Variants in PAQR5 observed in about 807,000 individuals in gnomAD.
The protein encoded by PAQR5 is progestin and adipoQ receptor family member 5.
Under a neutral mutation model 34.5 loss-of-function variants are expected in PAQR5, and 20 were observed. That is an observed-to-expected ratio of 0.58 (90% CI 0.41 to 0.84). The LOEUF (loss-of-function observed/expected upper bound fraction) is 0.84. Among genes scored for constraint, PAQR5 ranks in the 40% least tolerant of loss-of-function variants. The probability of loss-of-function intolerance (pLI) is 0.00; values close to 1 mark genes in which losing one functional copy is unlikely to be tolerated. For synonymous variants in PAQR5, 131 were observed against 155.6 expected (o/e 0.84, Z 1.18); for missense variants, 378 against 412.7 (o/e 0.92, Z 0.73).
chr15:69,400,267 T>A, intron 8 of PAQR5, 152 bp downstream of exon 8: 2 of 788,414 alleles, frequency 2.5e-6, no homozygotes, highest in Non-Finnish European at 4.0e-6. Context: ...GAGGTCAGGA[T>A]GTCTGCAGCA....
At chr15:69,373,187 G>A (rs770432430) in intron 3 of PAQR5, among the ~76,000 whole-genome samples, 5 of 152,016 alleles carry the variant, frequency 3.3e-5, no homozygotes, top group Non-Finnish European at 7.4e-5. Flanking sequence ...ATACTGGGCC[G>A]ACCTCGGTAA....
At chr15:69,311,256 C>A (rs1322094580) in intron 1 of PAQR5, among the ~76,000 whole-genome samples, 1 of 151,428 alleles carries the variant, frequency 6.6e-6, no homozygotes. Context: ...GATGGCTACA[C>A]GTTGAAAGAG....
At chr15:69,390,972 C>G (rs1334212877) in intron 6 of PAQR5, among the ~76,000 whole-genome samples, 1 of 152,286 alleles carries the variant, frequency 6.6e-6, no homozygotes, top group Non-Finnish European at 1.5e-5. Context: ...CTCAGGAAAT[C>G]TCCCAAATGG....
intron 1 of PAQR5, among the ~76,000 whole-genome samples, chr15:69,306,719 A>G (rs2053726224): frequency 6.6e-6 from 1 of 152,062 alleles, no homozygotes; most frequent in African/African-American, 2.4e-5. Flanking sequence ...ACCATTTTTT[A>G]AGTCTGCAAC....
chr15:69,379,594 A>G, intron 3 of PAQR5: 1 of 985,232 alleles, frequency 1.0e-6, no homozygotes, highest in Non-Finnish European at 1.2e-6. Context: ...TTCTTAGGCA[A>G]GATTCATGCC....
At chr15:69,384,217 G>C (rs1053697102) in intron 4 of PAQR5, among the ~76,000 whole-genome samples, 1 of 144,094 alleles carries the variant, frequency 6.9e-6, no homozygotes, top group Admixed American at 6.9e-5. Flanking sequence ...GGGGCCCTCC[G>C]TGTTCATGGT....
chr15:69,317,085 C>T (rs2053969002), intron 1 of PAQR5, among the ~76,000 whole-genome samples: 1 of 152,228 alleles, frequency 6.6e-6, no homozygotes, highest in African/African-American at 2.4e-5. Context: ...CCCCAAAGTG[C>T]TGGGATTACA....
chr15:69,315,270 G>C (rs1214844624), intron 1 of PAQR5, among the ~76,000 whole-genome samples: 1 of 152,124 alleles, frequency 6.6e-6, no homozygotes, highest in Non-Finnish European at 1.5e-5. Context: ...CAGCATCAAT[G>C]GTTGCCAATT....
intron 1 of PAQR5, among the ~76,000 whole-genome samples, chr15:69,321,202 A>G (rs2054088451): frequency 6.6e-6 from 1 of 152,254 alleles, no homozygotes; most frequent in African/African-American, 2.4e-5. Flanking sequence ...TGCTTTGTCT[A>G]TAGGCATGCA....
intron 2 of PAQR5, among the ~76,000 whole-genome samples, chr15:69,348,673 T>C (rs2054834975): frequency 6.6e-6 from 1 of 152,044 alleles, no homozygotes; most frequent in Non-Finnish European, 1.5e-5. Flanking sequence ...AGTACTAGAC[T>C]CCAGAGATGG....
intron 5 of PAQR5, among the ~76,000 whole-genome samples, chr15:69,387,550 G>A (rs573965265): frequency 3.3e-5 from 5 of 152,342 alleles, no homozygotes; most frequent in Admixed American, 1.3e-4. Context: ...CCATTACCAC[G>A]ATGATCTTGT....
intron 3 of PAQR5, among the ~76,000 whole-genome samples, chr15:69,369,275 C>T (rs1297394417): frequency 6.6e-6 from 1 of 152,174 alleles, no homozygotes; most frequent in Non-Finnish European, 1.5e-5. Flanking sequence ...GTGGCTCACG[C>T]CTGTAATCCC....
At chr15:69,329,766 T>A (rs963243387) in intron 1 of PAQR5, among the ~76,000 whole-genome samples, 1 of 152,146 alleles carries the variant, frequency 6.6e-6, no homozygotes, top group East Asian at 1.9e-4. Context: ...AGTATAGGAA[T>A]GAACCACTGC....
At chr15:69,323,997 C>A (rs74559058) in intron 1 of PAQR5, among the ~76,000 whole-genome samples, 1 of 152,256 alleles carries the variant, frequency 6.6e-6, no homozygotes, top group South Asian at 2.1e-4. Context: ...AAGTTACCCA[C>A]CAGTTCTGTT....
rs1253498460 is a variant in PAQR5, at chr15:69,298,957, G to T, written c.-376G>T. 1 of 152,022 alleles carries T rather than the reference G, an allele frequency of 6.6e-6. No individual in the cohort carries two copies. Among genetic ancestry groups the T allele is most frequent in the Non-Finnish European group, 1.5e-5 (1 of 67,984 alleles). 9.4% of individuals were successfully genotyped at this position (152,022 alleles called of 1,614,324 possible). On this transcript the variant is annotated 5_prime_UTR_variant, in exon 1 of 9. Coordinates refer to ENST00000395407, the MANE Select transcript of PAQR5 (RefSeq NM_017705.4). ...GCAGGGCCAGGTGCAGGGCCCGCGA[G>T]TCCGGGGTCGCCGCAGCCCGGGAGG... is the stretch of plus-strand genomic sequence containing the variant.
chr15:69,331,074 TG>T (rs2054368464), intron 1 of PAQR5, among the ~76,000 whole-genome samples: 1 of 150,360 alleles, frequency 6.7e-6, no homozygotes, highest in Admixed American at 6.6e-5. Flanking sequence ...GAAATAGTCC[TG>T]GGGCGACGTT....
chr15:69,357,056 GTC>G (rs936927250), intron 2 of PAQR5, among the ~76,000 whole-genome samples: 2 of 151,210 alleles, frequency 1.3e-5, no homozygotes, highest in Non-Finnish European at 3.0e-5. Context: ...CCCACCCACT[GTC>G]TCTCTCTCTC....
At chr15:69,302,098 C>T (rs1292013754) in intron 1 of PAQR5, among the ~76,000 whole-genome samples, 4 of 151,734 alleles carry the variant, frequency 2.6e-5, no homozygotes, top group Non-Finnish European at 5.9e-5. Flanking sequence ...CAGGGTGTTG[C>T]TCTGTCTCAA....
At chr15:69,335,032 G>T (rs1273281293) in intron 1 of PAQR5, among the ~76,000 whole-genome samples, 1 of 151,932 alleles carries the variant, frequency 6.6e-6, no homozygotes, top group Non-Finnish European at 1.5e-5. Flanking sequence ...AGACCAGCCT[G>T]GCCAACATGG....
Sources: gnomAD v4.1 joint callset for allele counts (sites outside exome capture counted in the v4.1 genomes callset) on GRCh38, gnomAD v4.1.1 for gene constraint, MANE v1.5 for transcripts, NCBI Gene and HGNC (gene_info 2026-07-23, HGNC 2026-07-21) for gene names.